ITGA1: variants seen among roughly 807,000 people sequenced by gnomAD.
The protein encoded by ITGA1 is integrin alpha-1.
Under a neutral mutation model 145.9 loss-of-function variants are expected in ITGA1, and 85 were observed. The ratio of observed to expected loss-of-function variants is 0.58; its 90% CI spans 0.49 to 0.70. ITGA1 has a LOEUF of 0.70. Among genes scored for constraint, ITGA1 ranks in the 30% least tolerant of loss-of-function variants. ITGA1 has a pLI of 0.00. For missense variants in ITGA1, 1,351 were observed against 1,418.7 expected (o/e 0.95, Z 0.77); for synonymous variants, 520 against 495.3 (o/e 1.05, Z -0.66).
At chr5:52,865,991 T>A (rs1749680848) in intron 6 of ITGA1, among the ~76,000 whole-genome samples, 174 bp downstream of exon 6, 1 of 150,922 alleles carries the variant, frequency 6.6e-6, no homozygotes, top group Non-Finnish European at 1.5e-5. Flanking sequence ...TAAGCTGTGT[T>A]ATTTTCTATT....
chr5:52,933,844 A>G (rs766632279), intron 22 of ITGA1, 50 bp from the exon 23 acceptor site: 1 of 937,934 alleles, frequency 1.1e-6, no homozygotes, highest in Non-Finnish European at 1.6e-6. Flanking sequence ...GAGGCCAAAT[A>G]AAAGTTAAAC....
At chr5:52,895,631 A>G (rs1291618411) in intron 9 of ITGA1, among the ~76,000 whole-genome samples, 2 of 152,148 alleles carry the variant, frequency 1.3e-5, no homozygotes, top group African/African-American at 4.8e-5. Flanking sequence ...AATGAAGCCC[A>G]CTTCAGCTAG....
intron 7 of ITGA1, 104 bp from the exon 8 acceptor site, chr5:52,887,711 A>G: frequency 9.4e-7 from 1 of 1,067,060 alleles, no homozygotes; most frequent in African/African-American, 1.6e-5. Context: ...TTTGGAGGGA[A>G]GCACCAGGCT....
At chr5:52,853,455 T>C (rs1197467954) in intron 2 of ITGA1, among the ~76,000 whole-genome samples, 1 of 152,176 alleles carries the variant, frequency 6.6e-6, no homozygotes, top group Non-Finnish European at 1.5e-5. Flanking sequence ...TAAGTCATAT[T>C]TACTGCTCAT....
At chr5:52,943,411 C>T (rs1751082738) in intron 26 of ITGA1, among the ~76,000 whole-genome samples, 1 of 152,138 alleles carries the variant, frequency 6.6e-6, no homozygotes, top group African/African-American at 2.4e-5. Context: ...GGTGTATGCT[C>T]ACAGGAGTGT....
Position 52,952,394 on chromosome 5 carries a change from G to T in ITGA1, c.3496-13G>T. On this transcript the variant is annotated splice_polypyrimidine_tract_variant and intron_variant, in intron 28 of 28. Transcript: ENST00000282588. ...AATAGTTAATTGTGTTATGTTTTGT[G>T]TTTTCTCAACAGATTGGATTCTTCA... 1 of 1,394,102 alleles carries T rather than the reference G, an allele frequency of 7.2e-7. No homozygotes were observed. The highest frequency in any genetic ancestry group is 9.8e-7 in the Non-Finnish European group (1 of 1,022,802). 86.4% of individuals were successfully genotyped at this position (1,394,102 alleles called of 1,614,324 possible).
intron 1 of ITGA1, among the ~76,000 whole-genome samples, chr5:52,832,844 T>TTC (rs1414590390): frequency 6.7e-6 from 1 of 149,896 alleles, no homozygotes; most frequent in Non-Finnish European, 1.5e-5. Flanking sequence ...AGAGTTTTTT[T>TTC]TTGGTAGATT....
intron 1 of ITGA1, among the ~76,000 whole-genome samples, chr5:52,821,616 T>G (rs1236052419): frequency 6.6e-6 from 1 of 152,174 alleles, no homozygotes; most frequent in Non-Finnish European, 1.5e-5. Context: ...CATACAGTAT[T>G]GTAAGGAATT....
intron 7 of ITGA1, among the ~76,000 whole-genome samples, chr5:52,883,469 T>C (rs1256497139): frequency 6.6e-6 from 1 of 152,256 alleles, no homozygotes; most frequent in Non-Finnish European, 1.5e-5. Flanking sequence ...TAAAATTCTG[T>C]AGTGATAGTA....
chr5:52,893,055 A>G (rs1750174761), intron 8 of ITGA1, among the ~76,000 whole-genome samples: 1 of 152,124 alleles, frequency 6.6e-6, no homozygotes, highest in African/African-American at 2.4e-5. Context: ...CATCTAAATA[A>G]TTATAGTTAA....
chr5:52,860,549 A>C lies in ITGA1; in HGVS notation c.183-898A>C, dbSNP rs185703118. ...AACAGAGCGAGACTCCGTCTCAAAA[A>C]ATAAAAATAAAAAAATAAAATAAAA... On this transcript the variant is annotated intron_variant, in intron 2 of 28. Transcript: ENST00000282588. Among the ~76,000 whole-genome samples, 589 of 152,320 alleles carry C rather than the reference A, an allele frequency of 3.9e-3. 22 individuals carry two copies. The highest frequency in any genetic ancestry group is 0.035 in the Admixed American group (540 of 15,300).
At chr5:52,835,752 G>T (rs1409231176) in intron 1 of ITGA1, among the ~76,000 whole-genome samples, 1 of 152,056 alleles carries the variant, frequency 6.6e-6, no homozygotes, top group Non-Finnish European at 1.5e-5. Flanking sequence ...GTTGTTATTG[G>T]TTCGTTTGTT....
chr5:52,951,329 CTTAA>C lies in ITGA1; in HGVS notation c.3496-1075_3496-1072del, dbSNP rs775872978. ...TTTGAAAAATCACTTACCTATGACC[CTTAA>C]TTTTCTTTTTTTAAAAATAAGCATT... On this transcript the variant is annotated intron_variant, in intron 28 of 28. Coordinates refer to ENST00000282588, the MANE Select transcript of ITGA1 (RefSeq NM_181501.2). Among the ~76,000 whole-genome samples the C allele has an allele frequency of 5.9e-5, 9 of 152,198 alleles. No individual in the cohort carries two copies. In the East Asian group the frequency reaches 7.7e-4, roughly 13 times the overall value.
chr5:52,812,789 C>CTTTTTTTTTTTT (rs61600951), intron 1 of ITGA1, among the ~76,000 whole-genome samples: 1 of 86,114 alleles, frequency 1.2e-5, no homozygotes, highest in Non-Finnish European at 2.1e-5. Context: ...CTTCTTATCG[C>CTTTTTTTTTTTT]TTTTTTTTTT....
At chr5:52,823,297 C>T (rs1037108341) in intron 1 of ITGA1, among the ~76,000 whole-genome samples, 8 of 152,288 alleles carry the variant, frequency 5.3e-5, no homozygotes, top group Admixed American at 2.0e-4. Flanking sequence ...CTCCGCCTCC[C>T]GGGTTCAAGC....
At chr5:52,901,716 G>A (rs1345600399) in intron 11 of ITGA1, 1 of 152,078 alleles carries the variant, frequency 6.6e-6, no homozygotes, top group Non-Finnish European at 1.5e-5. Context: ...AAGCAGATGT[G>A]GAGAATTCAA....
intron 18 of ITGA1, among the ~76,000 whole-genome samples, chr5:52,924,839 A>G (rs944672807): frequency 6.6e-6 from 1 of 152,156 alleles, no homozygotes; most frequent in Admixed American, 6.6e-5. Flanking sequence ...AATGAAGAAG[A>G]ATCAAGCAAA....
At chr5:52,935,884 C>CTGTTT in intron 23 of ITGA1, among the ~76,000 whole-genome samples, 1 of 150,110 alleles carries the variant, frequency 6.7e-6, no homozygotes, top group South Asian at 2.1e-4. Flanking sequence ...CGTTTATTTT[C>CTGTTT]AGTATTTTCC....
chr5:52,893,617 T>A lies in ITGA1; in HGVS notation c.925-58T>A, dbSNP rs934661914. ...TTGTTTACTGACAAAATGCTTGAGA[T>A]CCTTTATTTAACACATAGAATTTAA... On this transcript the variant is annotated intron_variant, in intron 8 of 28. Coordinates refer to ENST00000282588, the MANE Select transcript of ITGA1 (RefSeq NM_181501.2). 23 of 1,466,728 alleles carry A rather than the reference T, an allele frequency of 1.6e-5. No individual in the cohort carries two copies. The African/African-American group carries it at 2.4e-4, about 15-fold the overall frequency. The allele number at this position is 1,466,728 out of a possible 1,614,324, so 90.9% of individuals were successfully genotyped here.
Sources: allele counts gnomAD v4.1 joint callset (sites outside exome capture counted in the v4.1 genomes callset), GRCh38; gene constraint gnomAD v4.1.1; transcripts MANE v1.5; gene names NCBI Gene and HGNC (gene_info 2026-07-23, HGNC 2026-07-21).